The following BCLAF3 variants were observed in gnomAD, a reference collection of about 807,000 sequenced individuals.
The protein encoded by BCLAF3 is transient octamer binding factor 1.
BCLAF3 carries 24 observed loss-of-function variants against 51.2 expected under a neutral mutation model. That is an observed-to-expected ratio of 0.47 (90% CI 0.34 to 0.66). BCLAF3 has a LOEUF of 0.66. Ranked by LOEUF, BCLAF3 falls within the 30% of genes least tolerant of loss-of-function variation. BCLAF3 has a pLI of 0.01. For synonymous variants in BCLAF3, 152 were observed against 176.6 expected (o/e 0.86, Z 1.10); for missense variants, 465 against 525.1 (o/e 0.89, Z 1.12).
At chrX:19,946,443 C>A (rs1443204458) in intron 8 of BCLAF3, among the ~76,000 whole-genome samples, 1 of 111,624 alleles carries the variant, frequency 9.0e-6, no homozygotes, top group Admixed American at 9.5e-5. Flanking sequence ...TCCACTCTAC[C>A]GTGTTGACCC....
At chrX:19,970,180 C>T in intron 2 of BCLAF3, 44 bp downstream of exon 2, 2 of 1,124,639 alleles carry the variant, frequency 1.8e-6, no homozygotes, top group Non-Finnish European at 2.5e-6. Flanking sequence ...TTGAAAGTCA[C>T]AGCACATCCC....
At chrX:19,938,256 C>T (rs934738988) in intron 8 of BCLAF3, among the ~76,000 whole-genome samples, 1 of 110,831 alleles carries the variant, frequency 9.0e-6, no homozygotes, top group Non-Finnish European at 1.9e-5. Flanking sequence ...TGCAGGCCCA[C>T]CTTCACTCTT....
intron 6 of BCLAF3, 36 bp from the exon 7 acceptor site, chrX:19,953,087 A>G (rs1410565250): frequency 9.9e-7 from 1 of 1,013,450 alleles, no homozygotes; most frequent in Non-Finnish European, 1.4e-6. Context: ...CTAAATAATT[A>G]TGTTATACAC....
intron 4 of BCLAF3, among the ~76,000 whole-genome samples, chrX:19,958,546 G>C (rs2071743619): frequency 8.9e-6 from 1 of 112,308 alleles, no homozygotes; most frequent in Admixed American, 9.4e-5. Context: ...TGGTGGTACT[G>C]TATTTCTAGT....
At chrX:19,952,715 A>C (rs909608904) in intron 7 of BCLAF3, among the ~76,000 whole-genome samples, 2 of 111,965 alleles carry the variant, frequency 1.8e-5, no homozygotes, top group Admixed American at 1.9e-4. Context: ...TTTGGGGATG[A>C]ATATCAAATG....
At chrX:19,923,249 T>C (rs747261850) in intron 11 of BCLAF3, 1 of 114,363 alleles carries the variant, frequency 8.7e-6, no homozygotes, top group South Asian at 3.2e-4. Flanking sequence ...ATCCACAGAG[T>C]GGAATAATAT....
rs748679368 is a variant in BCLAF3, at chrX:19,990,922, C to CCCGCCGCCGCCGCCGCCG, written c.-67_-50dup. On this transcript the variant is annotated 5_prime_UTR_variant, in exon 1 of 12. Coordinates refer to ENST00000379682, the MANE Select transcript of BCLAF3 (RefSeq NM_001367774.2). ...GAGCCGCTCACCCGGCCGGGAAGCC[C>CCCGCCGCCGCCGCCGCCG]CCGCCGCCGCCGCCGCCGCCGCCGC... Among the ~76,000 whole-genome samples the CCCGCCGCCGCCGCCGCCG allele has an allele frequency of 5.4e-4, 46 of 84,585 alleles. No individual in the cohort carries two copies. The highest frequency in any genetic ancestry group is 1.7e-3 in the African/African-American group (38 of 22,236). The allele number at this position is 84,585 out of a possible 115,157, so 73.5% of individuals were successfully genotyped here.
chrX:19,962,443 C>T (rs1281085543), intron 4 of BCLAF3, among the ~76,000 whole-genome samples: 1 of 112,168 alleles, frequency 8.9e-6, no homozygotes, highest in Non-Finnish European at 1.9e-5. Context: ...CGGCCTCCCA[C>T]AAATGCTGGG....
chrX:19,952,621 G>A (rs1166075977), intron 7 of BCLAF3, among the ~76,000 whole-genome samples: 4 of 111,297 alleles, frequency 3.6e-5, no homozygotes, highest in East Asian at 2.8e-4. Context: ...TTCATTCCAC[G>A]TACAATTTAA....
chrX:19,936,401 C>A (rs184183025), intron 9 of BCLAF3, among the ~76,000 whole-genome samples: 1 of 112,080 alleles, frequency 8.9e-6, no homozygotes, highest in African/African-American at 3.2e-5. Context: ...ATTAGTAAGT[C>A]TGTAACTATG....
At position 19,968,108 on chromosome X, in the gene BCLAF3, C is replaced by T. The variant is rs773339117; in HGVS notation, c.42-1459G>A. On this transcript the variant is annotated intron_variant, in intron 2 of 11. Coordinates refer to ENST00000379682, the MANE Select transcript of BCLAF3 (RefSeq NM_001367774.2). ...AATAACTTACTTTTAATCCTTACTT[C>T]ACATTCAATATCGGTTTGATATGCT... Among the ~76,000 whole-genome samples the T allele has an allele frequency of 3.5e-5, 4 of 112,840 alleles. No individual in the cohort carries two copies. The East Asian group carries it at 1.1e-3, about 31-fold the overall frequency.
chrX:19,946,805 T>C (rs4825325), intron 8 of BCLAF3, among the ~76,000 whole-genome samples: 12,592 of 110,992 alleles, frequency 0.11, 669 homozygotes, highest in Non-Finnish European at 0.16. Context: ...TGAAATACTA[T>C]CCCCTCAGAT....
chrX:19,945,554 C>T (rs1338158609), intron 8 of BCLAF3, among the ~76,000 whole-genome samples: 4 of 83,076 alleles, frequency 4.8e-5, no homozygotes, highest in Non-Finnish European at 4.1e-5. Flanking sequence ...CAGTGTGCCC[C>T]TGCTGGGGGG....
At chrX:19,922,910 A>T (rs1051086402) in intron 11 of BCLAF3, among the ~76,000 whole-genome samples, 2 of 110,677 alleles carry the variant, frequency 1.8e-5, no homozygotes, top group African/African-American at 6.6e-5. Context: ...AAAAAAAATT[A>T]TATGGAGAAA....
At position 19,965,256 on chromosome X, in the gene BCLAF3, A is replaced by G. The variant is rs377057846; in HGVS notation, c.1062T>C (p.Tyr354=). 29 of 1,206,772 alleles carry G rather than the reference A, an allele frequency of 2.4e-5. No individual in the cohort carries two copies. Among genetic ancestry groups the G allele is most frequent in the African/African-American group, 8.8e-5 (5 of 56,726 alleles). The change falls in exon 4 of 12, where the codon TAT becomes TAC. Residue 354 remains tyrosine (Y), a synonymous_variant. Transcript: ENST00000379682. ...PSKKDSIACT[Y]SNKNDVDLRS... ...GCAAATCAACATCATTTTTATTTGAATAAGTACAGGCAATGCTGTCTTTCT... is the reference window on the plus strand; with the variant it reads ...GCAAATCAACATCATTTTTATTTGAGTAAGTACAGGCAATGCTGTCTTTCT...
chrX:19,950,327 T>A (rs760462762), intron 8 of BCLAF3, among the ~76,000 whole-genome samples: 1 of 112,035 alleles, frequency 8.9e-6, no homozygotes, highest in African/African-American at 3.2e-5. Context: ...TTATCCAGTA[T>A]AGACATCCAC....
Position 19,940,332 on chromosome X carries a change from T to G in BCLAF3, c.1746-2800A>C, listed in dbSNP as rs868684710. 9.0e-3 allele frequency among the ~76,000 whole-genome samples: 980 copies of G among 109,258 alleles called. 3 individuals are homozygous for G. Among genetic ancestry groups the G allele is most frequent in the Non-Finnish European group, 0.015 (785 of 52,322 alleles). The allele number at this position is 109,258 out of a possible 115,157, so 94.9% of individuals were successfully genotyped here. A position where few individuals can be genotyped will look rare whatever the true frequency, so the allele number is the denominator to read the frequency against. On this transcript the variant is annotated intron_variant, in intron 8 of 11. Transcript: ENST00000379682. ...AGGGTACATGTGCACATTGTGCAGG[T>G]TAGTTACATATGTATACATGTGCCA...
intron 4 of BCLAF3, among the ~76,000 whole-genome samples, chrX:19,957,308 C>T (rs2071698968): frequency 8.9e-6 from 1 of 112,054 alleles, no homozygotes; most frequent in Non-Finnish European, 1.9e-5. Context: ...AATGTTAGAA[C>T]ACCCCGTAAC....
intron 11 of BCLAF3, among the ~76,000 whole-genome samples, chrX:19,921,638 G>A (rs1468195239): frequency 1.8e-5 from 2 of 110,831 alleles, no homozygotes; most frequent in East Asian, 5.7e-4. Context: ...GGGAGGCGGA[G>A]GCTGCAGTGA....
Sources: gnomAD v4.1 joint callset for allele counts (sites outside exome capture counted in the v4.1 genomes callset) on GRCh38, gnomAD v4.1.1 for gene constraint, MANE v1.5 for transcripts, NCBI Gene and HGNC (gene_info 2026-07-23, HGNC 2026-07-21) for gene names.